Variants in FAM114A1 observed in about 807,000 individuals in gnomAD.
The protein encoded by FAM114A1 is family with sequence similarity 114 member A1, also known as protein NOXP20.
FAM114A1 carries 62 observed loss-of-function variants against 64.3 expected under a neutral mutation model. The ratio of observed to expected loss-of-function variants is 0.96; its 90% CI spans 0.79 to 1.19. FAM114A1 has a LOEUF of 1.19. Among genes scored for constraint, FAM114A1 ranks in the 50% most tolerant of loss-of-function variants. The pLI, the probability that FAM114A1 is intolerant of heterozygous loss-of-function variation, is 0.00. For missense variants in FAM114A1, 645 were observed against 676.3 expected, an observed-to-expected ratio of 0.95 and a Z score of 0.51; for synonymous variants, 254 against 251.1, an observed-to-expected ratio of 1.01 and a Z score of -0.11.
intron 12 of FAM114A1, 111 bp downstream of exon 12, chr4:38,932,485 T>A (rs1720735348): frequency 1.8e-6 from 2 of 1,127,508 alleles, no homozygotes. Flanking sequence ...TTCAGGTTTC[T>A]TTTTGTTTGT....
chr4:38,898,986 AATAT>A (rs200054010), intron 4 of FAM114A1, among the ~76,000 whole-genome samples: 1 of 107,472 alleles, frequency 9.3e-6, no homozygotes, highest in African/African-American at 2.7e-5. Context: ...TTATATATGT[AATAT>A]ATGTTATATA....
chr4:38,922,164 T>C (rs1375316101), intron 8 of FAM114A1, among the ~76,000 whole-genome samples: 1 of 152,306 alleles, frequency 6.6e-6, no homozygotes, highest in South Asian at 2.1e-4. Context: ...ATGGTCTTGA[T>C]GTCCTGACCT....
chr4:38,880,107 G>GTAGAATAGAATAGAATAGAA lies in FAM114A1; in HGVS notation c.348+1732_348+1751dup, dbSNP rs573937537. Among the ~76,000 whole-genome samples, 561 of 127,320 alleles carry GTAGAATAGAATAGAATAGAA rather than the reference G, an allele frequency of 4.4e-3. 9 individuals are homozygous for GTAGAATAGAATAGAATAGAA. The highest frequency in any genetic ancestry group is 0.014 in the South Asian group (56 of 3,928). The allele number at this position is 127,320 out of a possible 152,430, so 83.5% of individuals were successfully genotyped here. ...ATAAAATAAAATAAAATAAAATAGA[G>GTAGAATAGAATAGAATAGAA]TAGAATAGAATAGAATAGAATAGAA... is the stretch of plus-strand genomic sequence containing the variant. On this transcript the variant is annotated intron_variant, in intron 3 of 14. Transcript: ENST00000358869.
At chr4:38,932,122 G>C (rs1053329609) in intron 11 of FAM114A1, 113 bp from the exon 12 acceptor site, 24 of 1,178,598 alleles carry the variant, frequency 2.0e-5, no homozygotes, top group Admixed American at 1.7e-4. Flanking sequence ...TAACTATTTC[G>C]GGTTATATTT....
At chr4:38,901,932 G>A (rs1717562200) in intron 4 of FAM114A1, among the ~76,000 whole-genome samples, 1 of 152,230 alleles carries the variant, frequency 6.6e-6, no homozygotes. Context: ...TTTGGTCAAG[G>A]TAAGGTAAGT....
chr4:38,874,035 T>C (rs1433963814), intron 2 of FAM114A1, among the ~76,000 whole-genome samples: 2 of 152,302 alleles, frequency 1.3e-5, no homozygotes, highest in African/African-American at 2.4e-5. Flanking sequence ...AGAATGTAGA[T>C]AGATTCTCAA....
intron 4 of FAM114A1, among the ~76,000 whole-genome samples, chr4:38,893,763 T>G (rs1450790966): frequency 6.6e-6 from 1 of 152,182 alleles, no homozygotes; most frequent in Non-Finnish European, 1.5e-5. Flanking sequence ...TAATCTGACC[T>G]TTGCACACAT....
At position 38,891,763 on chromosome 4, in the gene FAM114A1, T is replaced by C. The variant is rs1325999402; in HGVS notation, c.369T>C (p.Ser123=). 6.2e-7 allele frequency: 1 copy of C among 1,610,808 alleles called. No homozygotes were observed. The highest frequency in any genetic ancestry group is 8.5e-7 in the Non-Finnish European group (1 of 1,178,712). ...TCCAGGCTGTGGATTCCCCTCCAAG[T>C]GGAGGAGGATGGGCAGGCTGGGGAT... ...QNYLAVDSPP[S]GGGWAGWGSW... Residue 123 remains serine, a synonymous_variant, in exon 4 of 15, where the codon AGT becomes AGC. Coordinates refer to ENST00000358869, the MANE Select transcript of FAM114A1 (RefSeq NM_138389.4).
intron 2 of FAM114A1, among the ~76,000 whole-genome samples, chr4:38,870,848 A>G (rs545811851): frequency 1.1e-4 from 16 of 152,304 alleles, no homozygotes; most frequent in African/African-American, 3.4e-4. Context: ...TCAAACACAC[A>G]GTTTCTAGTG....
At chr4:38,880,132 ATAG>A in intron 3 of FAM114A1, among the ~76,000 whole-genome samples, 1 of 103,992 alleles carries the variant, frequency 9.6e-6, no homozygotes, top group Non-Finnish European at 2.2e-5. Flanking sequence ...ATAGAATAGA[ATAG>A]AATAGAATAG....
intron 8 of FAM114A1, among the ~76,000 whole-genome samples, chr4:38,916,746 G>A (rs1016037104): frequency 1.3e-5 from 2 of 152,108 alleles, no homozygotes; most frequent in Non-Finnish European, 1.5e-5. Context: ...ACCATGGCAC[G>A]TGTATACCTA....
intron 12 of FAM114A1, among the ~76,000 whole-genome samples, chr4:38,935,415 C>A (rs1295900454): frequency 6.6e-6 from 1 of 152,188 alleles, no homozygotes; most frequent in Non-Finnish European, 1.5e-5. Context: ...AAGCTCTACA[C>A]ATGTGGAGCT....
intron 7 of FAM114A1, 61 bp downstream of exon 7, chr4:38,908,787 T>C: frequency 6.9e-7 from 1 of 1,444,336 alleles, no homozygotes; most frequent in Middle Eastern, 1.9e-4. Context: ...AATTTTTTAT[T>C]TATCTTTTTG....
chr4:38,886,647 G>A (rs1332932556), intron 3 of FAM114A1, among the ~76,000 whole-genome samples: 2 of 151,878 alleles, frequency 1.3e-5, no homozygotes. Context: ...TGTAGCCTGG[G>A]CCGGGCACAG....
intron 4 of FAM114A1, among the ~76,000 whole-genome samples, chr4:38,899,954 A>G (rs79539245): frequency 0.028 from 4,189 of 152,264 alleles, 70 homozygotes; most frequent in Middle Eastern, 0.12. Context: ...TTATAAGCTC[A>G]TACACTCTAT....
In FAM114A1 at chr4:38,943,484, A is replaced by G; in HGVS notation, c.1619A>G (p.Asp540Gly). 6.2e-7 allele frequency: 1 copy of G among 1,614,146 alleles called. No homozygotes were observed. The part of the protein sequence containing the change: ...EGCNSTTYIQ[D>G]AFQLLLPVLQ... ...TGCAACAGTACAACGTACATACAGG[A>G]TGCCTTCCAGCTGCTGCTGCCTGTT... Residue 540 changes from aspartate to glycine, a missense_variant, in exon 15 of 15, where the codon GAT becomes GGT. Coordinates refer to ENST00000358869, the MANE Select transcript of FAM114A1 (RefSeq NM_138389.4).
intron 6 of FAM114A1, among the ~76,000 whole-genome samples, chr4:38,907,099 T>C (rs948520287): frequency 2.6e-5 from 4 of 152,182 alleles, no homozygotes; most frequent in Non-Finnish European, 5.9e-5. Flanking sequence ...CACCCAGACC[T>C]TGGGGTCAGG....
At chr4:38,878,909 A>G (rs1369414468) in intron 3 of FAM114A1, among the ~76,000 whole-genome samples, 1 of 152,232 alleles carries the variant, frequency 6.6e-6, no homozygotes. Flanking sequence ...TTAAAATCTG[A>G]TGTATATTTA....
intron 2 of FAM114A1, among the ~76,000 whole-genome samples, chr4:38,872,127 G>A (rs1714134563): frequency 6.6e-6 from 1 of 152,100 alleles, no homozygotes; most frequent in Admixed American, 6.5e-5. Context: ...GCATACCCTG[G>A]AGTGCCCATC....
Sources: gnomAD v4.1 joint callset for allele counts (sites outside exome capture counted in the v4.1 genomes callset) on GRCh38, gnomAD v4.1.1 for gene constraint, MANE v1.5 for transcripts, NCBI Gene and HGNC (gene_info 2026-07-23, HGNC 2026-07-21) for gene names.